The following LONP1 variants were observed in gnomAD, a reference collection of about 807,000 sequenced individuals.
The protein encoded by LONP1 is lon protease homolog, mitochondrial.
A neutral mutation model predicts 98.5 loss-of-function variants in LONP1; 31 were observed. That is an observed-to-expected ratio of 0.31 (90% CI 0.24 to 0.42). LONP1 has a LOEUF of 0.42. Ranked by LOEUF, LONP1 falls within the 20% of genes least tolerant of loss-of-function variation. The pLI is 1.00. For missense variants in LONP1, 1,336 were observed against 1,350.6 expected (o/e 0.99, Z 0.17); for synonymous variants, 781 against 594.7 (o/e 1.31, Z -4.56).
intron 2 of LONP1, 141 bp from the exon 3 acceptor site, chr19:5,713,394 C>A: frequency 9.6e-7 from 1 of 1,044,082 alleles, no homozygotes; most frequent in East Asian, 2.5e-5. Context: ...CCTTGGCTCC[C>A]GCAGGAGCTC....
In LONP1 at chr19:5,711,899, C is replaced by T. The variant is rs149169865; in HGVS notation, c.742G>A (p.Asp248Asn). The change falls in exon 4 of 18, where the codon GAC (aspartate) becomes AAC (asparagine). Residue 248 changes from aspartate (D) to asparagine (N), a missense_variant. Coordinates refer to ENST00000360614, the MANE Select transcript of LONP1 (RefSeq NM_004793.4). ...GCCGGGTGCCTGGCGCTCAGCTCGT[C>T]CTCCGCCTCCTTCTTGCCCCGCTTT... ...KSKRGKKEAE[D>N]ELSARHPAEL... is the part of the protein sequence containing the mutation. 2.2e-3 allele frequency: 3,522 copies of T among 1,613,286 alleles called. 12 individuals are homozygous for T. The highest frequency in any genetic ancestry group is 2.8e-3 in the Non-Finnish European group (3,260 of 1,179,996).
intron 1 of LONP1, among the ~76,000 whole-genome samples, chr19:5,719,431 G>T (rs2055387541): frequency 6.6e-6 from 1 of 152,152 alleles, no homozygotes; most frequent in African/African-American, 2.4e-5. Flanking sequence ...TCCCGGCCCC[G>T]GATTTCTATG....
In LONP1 at chr19:5,697,932, G is replaced by A. The variant is rs1415946641; in HGVS notation, c.1685+1095C>T. On this transcript the variant is annotated intron_variant, in intron 10 of 17. Coordinates refer to ENST00000360614, the MANE Select transcript of LONP1 (RefSeq NM_004793.4). ...CCTGAACCAGGCTCCAAGAGGCTTC[G>A]CGACCACTTCAAACCGCTTGCCCAG... 5.9e-5 allele frequency among the ~76,000 whole-genome samples: 9 copies of A among 152,060 alleles called. No individual in the cohort carries two copies. In the East Asian group the frequency reaches 9.7e-4, roughly 16 times the overall value.
At position 5,710,551 on chromosome 19, in the gene LONP1, A is replaced by AT. The variant is rs35483857; in HGVS notation, c.870+1219dup. On this transcript the variant is annotated intron_variant, in intron 4 of 17. Transcript: ENST00000360614. ...GTGTGCGACCATGCCCAGGGATTTTATTTTTTTTGTGGAGACAGGGGTCTC... is the reference window on the plus strand; with the variant it reads ...GTGTGCGACCATGCCCAGGGATTTTATTTTTTTTTGTGGAGACAGGGGTCTC... Among the ~76,000 whole-genome samples, 440 of 151,338 alleles carry AT rather than the reference A, an allele frequency of 2.9e-3. 1 individual carries two copies. Among genetic ancestry groups the AT allele is most frequent in the Non-Finnish European group, 3.8e-3 (260 of 67,790 alleles).
chr19:5,718,378 T>C (rs983601478), intron 1 of LONP1, among the ~76,000 whole-genome samples: 8 of 151,026 alleles, frequency 5.3e-5, no homozygotes. Context: ...CTCAGGGGGC[T>C]GAGGCAGGAG....
chr19:5,694,603 C>T (rs761419187), intron 14 of LONP1, 51 bp from the exon 15 acceptor site: 13 of 1,500,072 alleles, frequency 8.7e-6, no homozygotes, highest in Admixed American at 5.2e-5. Context: ...GTGACAGGTG[C>T]GGGGTGGTGG....
chr19:5,695,119 C>T (rs2054902913), intron 13 of LONP1, among the ~76,000 whole-genome samples: 1 of 152,026 alleles, frequency 6.6e-6, no homozygotes, highest in Non-Finnish European at 1.5e-5. Context: ...GGATCCACTT[C>T]CTATCCCCCA....
In LONP1 at chr19:5,709,151, A is replaced by C. The variant is rs1332082292; in HGVS notation, c.871-748T>G. On this transcript the variant is annotated intron_variant, in intron 4 of 17. Transcript: ENST00000360614. ...CCGCTCATTTTCCGGAGTAGCTGGG[A>C]CCACGGGCATAAGCAACTGCACCTG... Among the ~76,000 whole-genome samples the C allele has an allele frequency of 7.3e-5, 11 of 151,146 alleles. 2 individuals are homozygous for C. Among genetic ancestry groups the C allele is most frequent in the Non-Finnish European group, 1.6e-4 (11 of 67,840 alleles).
At chr19:5,715,869 G>A (rs1022870103) in intron 1 of LONP1, among the ~76,000 whole-genome samples, 9 of 151,736 alleles carry the variant, frequency 5.9e-5, no homozygotes, top group Non-Finnish European at 1.2e-4. Context: ...GAGCCACCAT[G>A]CCTGGTTCCT....
intron 8 of LONP1, among the ~76,000 whole-genome samples, chr19:5,701,566 C>T (rs1456918292): frequency 6.6e-6 from 1 of 152,064 alleles, no homozygotes; most frequent in Non-Finnish European, 1.5e-5. Context: ...GTCCTAACCG[C>T]GAGTGGTCCG....
In LONP1 at chr19:5,696,463, CGAGT is replaced by C. The variant is rs1274625293; in HGVS notation, c.1774-96_1774-93del. 18 of 1,509,550 alleles carry C rather than the reference CGAGT, an allele frequency of 1.2e-5. 1 individual carries two copies. The highest frequency in any genetic ancestry group is 1.9e-5 in the Admixed American group (1 of 52,798). 93.5% of individuals were successfully genotyped at this position (1,509,550 alleles called of 1,614,324 possible). A position where few individuals can be genotyped will look rare whatever the true frequency, so the allele number is the denominator to read the frequency against. On this transcript the variant is annotated intron_variant, in intron 11 of 17. Coordinates refer to ENST00000360614, the MANE Select transcript of LONP1 (RefSeq NM_004793.4). ...CCCAGGGTCAGGGCTGGGGAGACCC[CGAGT>C]GAGAGCGGCACCCACACCCTGCCTT...
At chr19:5,696,024 G>A (rs1165340317) in intron 13 of LONP1, 30 bp downstream of exon 13, 13 of 1,591,828 alleles carry the variant, frequency 8.2e-6, no homozygotes, top group Non-Finnish European at 1.1e-5. Flanking sequence ...CTCTGGGAAG[G>A]GGACAGCAGT....
chr19:5,696,331 G>C lies in LONP1; in HGVS notation c.1814C>G (p.Ser605Trp), dbSNP rs369728825. ...IGRGYQGDPSSALLELLDPEQ... is the reference protein window; with the variant it reads ...IGRGYQGDPSWALLELLDPEQ... ...TGGGTCCAGCAGCTCCAGCAGTGCC[G>C]ACGACGGGTCCCCCTGGTAGCCTCG... The change falls in exon 12 of 18, where the codon TCG (serine) becomes TGG (tryptophan). Residue 605 changes from serine (S) to tryptophan (W), a missense_variant. This residue lies in a region of LONP1 where 555 missense variants were observed against 542.6 expected (regional missense o/e 1.02). Transcript: ENST00000360614. 13 of 1,613,318 alleles carry C rather than the reference G, an allele frequency of 8.1e-6. No individual in the cohort carries two copies. The highest frequency in any genetic ancestry group is 3.4e-6 in the Non-Finnish European group (4 of 1,179,894).
chr19:5,720,447 A>G (rs533361017), upstream of LONP1: 13 of 591,480 alleles, frequency 2.2e-5, no homozygotes, highest in Non-Finnish European at 3.3e-5. Flanking sequence ...GCCTGTGCAC[A>G]TGCTTAGGCG....
intron 2 of LONP1, among the ~76,000 whole-genome samples, chr19:5,713,645 T>G (rs576239892): frequency 1.7e-3 from 263 of 152,328 alleles, no homozygotes; most frequent in African/African-American, 6.2e-3. Flanking sequence ...CACTGCAACC[T>G]CCACTTACTA....
Position 5,692,005 on chromosome 19 carries a change from C to CCAGTTCTGGCCCAGACAGGGCCTGACATA in LONP1, c.*26_*27insTATGTCAGGCCCTGTCTGGGCCAGAACTG. The CCAGTTCTGGCCCAGACAGGGCCTGACATA allele has an allele frequency of 1.3e-6, 2 of 1,597,212 alleles. No individual in the cohort carries two copies. Among genetic ancestry groups the CCAGTTCTGGCCCAGACAGGGCCTGACATA allele is most frequent in the Non-Finnish European group, 8.5e-7 (1 of 1,170,718 alleles). On this transcript the variant is annotated 3_prime_UTR_variant, in exon 18 of 18. Transcript: ENST00000360614. ...TTCTGGCCCAGACAGGGCCTGACAT[C>CCAGTTCTGGCCCAGACAGGGCCTGACATA]CGCCGCCTGCAGTCCCGGGGTGGCC...
chr19:5,719,601 T>G, intron 1 of LONP1, 103 bp downstream of exon 1: 4 of 1,576,458 alleles, frequency 2.5e-6, no homozygotes, highest in Non-Finnish European at 3.4e-6. Context: ...AAACTTCATG[T>G]CTGAAAAAGT....
intron 1 of LONP1, 38 bp downstream of exon 1, chr19:5,719,666 G>A (rs1465308152): frequency 6.2e-7 from 1 of 1,613,410 alleles, no homozygotes; most frequent in South Asian, 1.1e-5. Context: ...TGCTTGCACA[G>A]GTGGGAAACC....
chr19:5,713,032 G>C, intron 3 of LONP1, 102 bp downstream of exon 3: 1 of 1,534,530 alleles, frequency 6.5e-7, no homozygotes, highest in Non-Finnish European at 8.9e-7. Context: ...CCGCTGGGCT[G>C]ACGGACAGGG....
Sources: gnomAD v4.1 joint callset for allele counts (sites outside exome capture counted in the v4.1 genomes callset) on GRCh38, gnomAD v4.1.1 for gene constraint, gnomAD v4.1.1 regional missense constraint, MANE v1.5 for transcripts, NCBI Gene and HGNC (gene_info 2026-07-23, HGNC 2026-07-21) for gene names.